The following CASKIN1 variants were observed in gnomAD, a reference collection of about 807,000 sequenced individuals.
The protein encoded by CASKIN1 is caskin-1.
In CASKIN1, 42 loss-of-function variants were observed where a neutral mutation model predicts 117.5. The observed-to-expected ratio is 0.36, with a 90% confidence interval of 0.28 to 0.46. The LOEUF (loss-of-function observed/expected upper bound fraction) is 0.46, where lower values mean the gene tolerates loss of function less well. Ranked by LOEUF, CASKIN1 falls within the 20% of genes least tolerant of loss-of-function variation. CASKIN1 has a pLI of 1.00. For synonymous variants in CASKIN1, 1,148 were observed against 961.7 expected (o/e 1.19, Z -3.59); for missense variants, 2,083 against 2,077.3 (o/e 1.00, Z -0.05).
At position 2,184,876 on chromosome 16, in the gene CASKIN1, C is replaced by G. The variant is rs767186516; in HGVS notation, c.1325-8G>C. 2 of 1,574,610 alleles carry G rather than the reference C, an allele frequency of 1.3e-6. No homozygotes were observed. Among genetic ancestry groups the G allele is most frequent in the South Asian group, 1.1e-5 (1 of 87,524 alleles). On this transcript the variant is annotated splice_polypyrimidine_tract_variant and splice_region_variant and intron_variant, in intron 13 of 19. Coordinates refer to ENST00000343516, the MANE Select transcript of CASKIN1 (RefSeq NM_020764.4). ...GCTGGGACCGGGCCACACCTGAGGA[C>G]GAGAGTGGGTGGGGGACAAGGGCTG...
chr16:2,183,700 G>A lies in CASKIN1; in HGVS notation c.1575C>T (p.Ile525=), dbSNP rs372166333. The part of the protein sequence containing the change: ...GVTKPGHRKK[I]AAEISGLSIP... Reference sequence around the variant, plus strand: ...TGCTTAGGCCGCTGATCTCTGCCGCGATCTTCTTCCGGTGGCCCGGCTTGG... The same window carrying A: ...TGCTTAGGCCGCTGATCTCTGCCGCAATCTTCTTCCGGTGGCCCGGCTTGG... Residue 525 remains isoleucine (I), a synonymous_variant, in exon 16 of 20, where the codon ATC becomes ATT. Coordinates refer to ENST00000343516, the MANE Select transcript of CASKIN1 (RefSeq NM_020764.4). 23 of 1,613,294 alleles carry A rather than the reference G, an allele frequency of 1.4e-5. No individual in the cohort carries two copies. The highest frequency in any genetic ancestry group is 2.2e-5 in the South Asian group (2 of 91,084).
In CASKIN1 at chr16:2,181,778, G is replaced by A. The variant is rs538327523; in HGVS notation, c.1768+13C>T. The stretch of plus-strand genomic sequence containing the variant: ...GGTTGGGCTGGGGACGAGGGCTGGG[G>A]CTGGGGCCTCACCCAGCTTGGTGAT... On this transcript the variant is annotated intron_variant, in intron 17 of 19. Transcript: ENST00000343516. 3 of 1,612,110 alleles carry A rather than the reference G, an allele frequency of 1.9e-6. No individual in the cohort carries two copies. The highest frequency in any genetic ancestry group is 3.3e-5 in the Admixed American group (2 of 59,994).
At chr16:2,192,585 C>T (rs907562403) in intron 1 of CASKIN1, among the ~76,000 whole-genome samples, 8 of 152,138 alleles carry the variant, frequency 5.3e-5, no homozygotes, top group East Asian at 1.9e-4. Context: ...TGTGCACGTG[C>T]GGCCTCCTCT....
rs796496208 is a variant in CASKIN1, at chr16:2,177,379, C to T, written c.*1171G>A. ...GGGACGCCACCTCCGCCAGCCGCCT[C>T]CACCCGCCCCACACCACAATCGCTG... On this transcript the variant is annotated 3_prime_UTR_variant, in exon 20 of 20. Transcript: ENST00000343516. 9.8e-5 allele frequency: 23 copies of T among 233,772 alleles called. No individual in the cohort carries two copies. Among genetic ancestry groups the T allele is most frequent in the African/African-American group, 4.6e-4 (21 of 45,434 alleles). The allele number at this position is 233,772 out of a possible 1,614,324, so 14.5% of individuals were successfully genotyped here. A position where few individuals can be genotyped will look rare whatever the true frequency, so the allele number is the denominator to read the frequency against.
chr16:2,189,281 C>T lies in CASKIN1; in HGVS notation c.443G>A (p.Gly148Glu). The change falls in exon 5 of 20, where the codon GGG (glycine) becomes GAG (glutamate). Residue 148 changes from glycine to glutamate, a missense_variant. Around this residue, in one of 3 missense-constraint regions of CASKIN1, gnomAD observed 203 missense variants for 338.7 expected, o/e 0.60. Coordinates refer to ENST00000343516, the MANE Select transcript of CASKIN1 (RefSeq NM_020764.4). The part of the protein sequence containing the change: ...QSNPCMVDNS[G>E]KTPLDLACEF... The stretch of plus-strand genomic sequence containing the variant: ...GCAGGCCAGGTCCAGGGGCGTCTTC[C>T]CCGAGTTGTCCACCATGCACGGGTT... 1 of 1,613,276 alleles carries T rather than the reference C, an allele frequency of 6.2e-7. No individual in the cohort carries two copies. The highest frequency in any genetic ancestry group is 8.5e-7 in the Non-Finnish European group (1 of 1,179,920).
rs776764949 is a variant in CASKIN1, at chr16:2,181,474, C to T, written c.1894G>A (p.Glu632Lys). 5 of 1,611,516 alleles carry T rather than the reference C, an allele frequency of 3.1e-6. No homozygotes were observed. The highest frequency in any genetic ancestry group is 3.4e-6 in the Non-Finnish European group (4 of 1,179,756). ...APQSLEVMAI[E>K]SPPPPEPTPA... The stretch of plus-strand genomic sequence containing the variant: ...GTGGGCTCAGGCGGGGGCGGCGACT[C>T]GATGGCCATCACTTCAAGAGACTGG... The change falls in exon 18 of 20, where the codon GAG becomes AAG. Residue 632 changes from glutamate to lysine, a missense_variant. Around this residue, in one of 3 missense-constraint regions of CASKIN1, gnomAD observed 1,818 missense variants for 1,688.9 expected, o/e 1.08. Transcript: ENST00000343516.
At position 2,187,451 on chromosome 16, in the gene CASKIN1, G is replaced by A; in HGVS notation, c.628C>T (p.Gln210Ter). The A allele has an allele frequency of 6.2e-7, 1 of 1,605,106 alleles. No individual in the cohort carries two copies. The highest frequency in any genetic ancestry group is 8.5e-7 in the Non-Finnish European group (1 of 1,179,738). Reference protein sequence around the residue: ...GHIDIIRLLLQAGIDINRQTK... With the variant: ...GHIDIIRLLL ...TGGCGGTTAATGTCGATGCCGGCTTGGAGGAGGAGCCTGGCGGGAAGGCAA... is the reference window on the plus strand; with the variant it reads ...TGGCGGTTAATGTCGATGCCGGCTTAGAGGAGGAGCCTGGCGGGAAGGCAA... Residue 210 changes from glutamine (Q) to a stop codon, truncating the protein, a stop_gained, in exon 7 of 20, where the codon CAA (glutamine) becomes TAA (stop). Transcript: ENST00000343516. LOFTEE classifies it high-confidence loss of function.
At chr16:2,191,986 G>A (rs774038352) in intron 1 of CASKIN1, among the ~76,000 whole-genome samples, 4 of 152,198 alleles carry the variant, frequency 2.6e-5, no homozygotes, top group Non-Finnish European at 5.9e-5. Context: ...ACCCCGTCGG[G>A]GTTCCCTGGG....
intron 10 of CASKIN1, 48 bp from the exon 11 acceptor site, chr16:2,185,456 T>C: frequency 6.7e-7 from 1 of 1,489,418 alleles, no homozygotes; most frequent in Non-Finnish European, 9.1e-7. Flanking sequence ...CGATGGCGGG[T>C]ACTGACGCAG....
Position 2,195,944 on chromosome 16 carries a change from C to T in CASKIN1, c.94+395G>A, listed in dbSNP as rs1244590188. On this transcript the variant is annotated intron_variant, in intron 1 of 19. Transcript: ENST00000343516. ...GGTCGCCCCTCGCCGCAGGGGCCCC[C>T]TCCCTGTCTTCCCGGTGCGTGTGGT... Among the ~76,000 whole-genome samples, 3 of 151,870 alleles carry T rather than the reference C, an allele frequency of 2.0e-5. No homozygotes were observed. The South Asian group carries it at 6.2e-4, about 31-fold the overall frequency.
Position 2,178,595 on chromosome 16 carries a change from G to C in CASKIN1, c.4251C>G (p.Ser1417Arg). The C allele has an allele frequency of 1.3e-6, 2 of 1,597,818 alleles. No individual in the cohort carries two copies. Among genetic ancestry groups the C allele is most frequent in the African/African-American group, 1.4e-5 (1 of 73,486 alleles). Residue 1417 changes from serine to arginine, a missense_variant, in exon 20 of 20, where the codon AGC (serine) becomes AGG (arginine). By Grantham distance (110) the Ser-to-Arg change is moderately radical (BLOSUM62 -1). Around this residue, in one of 3 missense-constraint regions of CASKIN1, gnomAD observed 1,818 missense variants for 1,688.9 expected, o/e 1.08. Transcript: ENST00000343516. ...STGSILDDIG[S>R]MFDDLADQLD... ...GCTGGTCGGCCAGGTCGTCGAACAT[G>C]CTGCCGATGTCGTCCAGGATGCTGC...
In CASKIN1 at chr16:2,181,921, C is replaced by G; in HGVS notation, c.1638G>C (p.Leu546=). 1.2e-6 allele frequency: 2 copies of G among 1,613,640 alleles called. No homozygotes were observed. Among genetic ancestry groups the G allele is most frequent in the South Asian group, 1.1e-5 (1 of 91,080 alleles). The change falls in exon 17 of 20, where the codon CTG becomes CTC. Residue 546 remains leucine (L), a synonymous_variant. Coordinates refer to ENST00000343516, the MANE Select transcript of CASKIN1 (RefSeq NM_020764.4). ...GGCCGATCATGGACAGCCACACGGCCAGGTTAGCCTACAGAGCAGACACAC... is the reference window on the plus strand; with the variant it reads ...GGCCGATCATGGACAGCCACACGGCGAGGTTAGCCTACAGAGCAGACACAC... The part of the protein sequence containing the change: ...DWLPEHKPAN[L]AVWLSMIGLA...
chr16:2,189,107 G>C lies in CASKIN1; in HGVS notation c.537C>G (p.Pro179=), dbSNP rs1267777837. ...SSNMCAALLE[P]RPGDATDPNG... is the part of the protein sequence containing the mutation. ...TGGGGTCGGTGGCGTCTCCCGGCCG[G>C]GGCTCCAGCAGCGCCGCACACATAT... Residue 179 remains proline (P), a synonymous_variant, in exon 6 of 20, where the codon CCC becomes CCG. Coordinates refer to ENST00000343516, the MANE Select transcript of CASKIN1 (RefSeq NM_020764.4). 7 of 1,613,552 alleles carry C rather than the reference G, an allele frequency of 4.3e-6. No individual in the cohort carries two copies. Among genetic ancestry groups the C allele is most frequent in the Non-Finnish European group, 5.9e-6 (7 of 1,179,822 alleles).
Position 2,181,940 on chromosome 16 carries a change from GAC to G in CASKIN1, c.1630-13_1630-12del. 2 of 1,612,810 alleles carry G rather than the reference GAC, an allele frequency of 1.2e-6. No individual in the cohort carries two copies. The highest frequency in any genetic ancestry group is 1.7e-6 in the Non-Finnish European group (2 of 1,179,424). On this transcript the variant is annotated splice_polypyrimidine_tract_variant and intron_variant, in intron 16 of 19. Coordinates refer to ENST00000343516, the MANE Select transcript of CASKIN1 (RefSeq NM_020764.4). ...CACGGCCAGGTTAGCCTACAGAGCA[GAC>G]ACACAGAGGAGCCACCTGGGCTGGC...
chr16:2,192,691 C>T (rs1232380201), intron 1 of CASKIN1, among the ~76,000 whole-genome samples: 4 of 152,164 alleles, frequency 2.6e-5, no homozygotes, highest in Non-Finnish European at 4.4e-5. Context: ...TGACCCTGCC[C>T]GCCCCGCAGC....
Position 2,179,025 on chromosome 16 carries a change from G to A in CASKIN1, c.4076C>T (p.Pro1359Leu). 1.7e-6 allele frequency: 2 copies of A among 1,157,158 alleles called. No individual in the cohort carries two copies. Among genetic ancestry groups the A allele is most frequent in the Non-Finnish European group, 2.1e-6 (2 of 940,668 alleles). 71.7% of individuals were successfully genotyped at this position (1,157,158 alleles called of 1,614,324 possible). Residue 1359 changes from proline (P) to leucine (L), a missense_variant, in exon 19 of 20, where the codon CCG (proline) becomes CTG (leucine). Transcript: ENST00000343516. The surrounding 1 kb of genome is among the most constrained non-coding windows in gnomAD (Gnocchi z 5.8). ...AAAAAAAPPA[P>L]PEGASPGDSA... is the part of the protein sequence containing the mutation. ...GTCCCCTGGCGAGGCGCCTTCGGGC[G>A]GGGCGGGGGGCGCGGCGGCGGCGGC...
In CASKIN1 at chr16:2,180,754, C is replaced by G; in HGVS notation, c.2614G>C (p.Glu872Gln). The G allele has an allele frequency of 7.0e-7, 1 of 1,436,242 alleles. No homozygotes were observed. The highest frequency in any genetic ancestry group is 2.7e-5 in the East Asian group (1 of 37,636). The allele number at this position is 1,436,242 out of a possible 1,614,324, so 89.0% of individuals were successfully genotyped here. A position where few individuals can be genotyped will look rare whatever the true frequency, so the allele number is the denominator to read the frequency against. Residue 872 changes from glutamate to glutamine, a missense_variant, in exon 18 of 20, where the codon GAG becomes CAG. Physicochemically the swap from Glu to Gln is conservative, Grantham distance 29 (BLOSUM62 2). Transcript: ENST00000343516. The part of the protein sequence containing the change: ...TLCLPPEADA[E>Q]PGRPKKRAHS... ...GCCCGCTTCTTGGGCCGCCCCGGCT[C>G]CGCGTCGGCCTCAGGGGGCAGGCAC... is the stretch of plus-strand genomic sequence containing the variant.
chr16:2,190,893 G>A (rs2093199830), intron 1 of CASKIN1, among the ~76,000 whole-genome samples: 1 of 152,236 alleles, frequency 6.6e-6, no homozygotes, highest in African/African-American at 2.4e-5. Context: ...CAGTGTGGAT[G>A]AGCAGAAGTG....
At chr16:2,188,443 T>C (rs760714233) in intron 6 of CASKIN1, among the ~76,000 whole-genome samples, 6 of 151,422 alleles carry the variant, frequency 4.0e-5, no homozygotes, top group Non-Finnish European at 7.4e-5. Context: ...CTCAACCTCA[T>C]GGGCTCAAGT....
Sources: allele counts gnomAD v4.1 joint callset (sites outside exome capture counted in the v4.1 genomes callset), GRCh38; gene constraint gnomAD v4.1.1; regional missense constraint gnomAD v4.1.1; non-coding constraint Gnocchi (gnomAD v3.1); transcripts MANE v1.5; gene names NCBI Gene and HGNC (gene_info 2026-07-23, HGNC 2026-07-21).